The following SGCD variants were observed in gnomAD, a reference collection of about 807,000 sequenced individuals.
The protein encoded by SGCD is delta-sarcoglycan.
A neutral mutation model predicts 36.6 loss-of-function variants in SGCD; 18 were observed. That is an observed-to-expected ratio of 0.49 (90% CI 0.34 to 0.73). SGCD has a LOEUF of 0.73. Ranked by LOEUF, SGCD falls within the 30% of genes least tolerant of loss-of-function variation. The pLI, the probability that SGCD is intolerant of heterozygous loss-of-function variation, is 0.01. For missense variants in SGCD, 387 were observed against 346.7 expected, an observed-to-expected ratio of 1.12 and a Z score of -0.92; for synonymous variants, 133 against 130.6, an observed-to-expected ratio of 1.02 and a Z score of -0.12.
chr5:156,204,473 TACACAC>T lies in SGCD; in HGVS notation c.-44+80480_-44+80485del, dbSNP rs58745098. Among the ~76,000 whole-genome samples the T allele has an allele frequency of 7.6e-3, 1,121 of 147,394 alleles. 13 individuals are homozygous for T. Among genetic ancestry groups the T allele is most frequent in the African/African-American group, 0.022 (875 of 40,188 alleles). On this transcript the variant is annotated intron_variant, in intron 3 of 9. Transcript: ENST00000517913. ...TTAACTAGTTTAGCCAACACACTCA[TACACAC>T]ACACACACACACACACACACACACA...
intron 3 of SGCD, among the ~76,000 whole-genome samples, chr5:156,239,391 T>C (rs1318397221): frequency 3.6e-5 from 4 of 111,728 alleles, no homozygotes; most frequent in Non-Finnish European, 5.5e-5. Context: ...CAGAGGAAGA[T>C]TTCATCTCAA....
intron 3 of SGCD, among the ~76,000 whole-genome samples, chr5:156,152,144 C>G (rs187727322): frequency 6.6e-5 from 10 of 151,298 alleles, no homozygotes; most frequent in Admixed American, 6.6e-4. Context: ...TAAAAAAAAA[C>G]AAAACAAAAC....
chr5:156,465,843 T>C (rs1399718493), intron 3 of SGCD, among the ~76,000 whole-genome samples: 1 of 152,186 alleles, frequency 6.6e-6, no homozygotes, highest in East Asian at 1.9e-4. Flanking sequence ...CACACAGATA[T>C]TGGTTATTGT....
chr5:155,963,877 T>C (rs952012291), intron 1 of SGCD, among the ~76,000 whole-genome samples: 1 of 152,122 alleles, frequency 6.6e-6, no homozygotes, highest in Non-Finnish European at 1.5e-5. Context: ...AAAAATCACC[T>C]GAAATTGAAG....
intron 3 of SGCD, among the ~76,000 whole-genome samples, chr5:156,141,720 A>G (rs1488200057): frequency 1.3e-5 from 2 of 152,192 alleles, no homozygotes; most frequent in African/African-American, 4.8e-5. Flanking sequence ...ACATATCCAG[A>G]GCATAGTGAA....
chr5:156,608,407 G>C (rs534668349), intron 6 of SGCD, among the ~76,000 whole-genome samples: 2 of 152,218 alleles, frequency 1.3e-5, no homozygotes, highest in African/African-American at 4.8e-5. Context: ...TGGTCTGAGA[G>C]ACAGTTTGTT....
intron 7 of SGCD, among the ~76,000 whole-genome samples, chr5:156,681,806 G>A (rs1267812471): frequency 1.3e-5 from 2 of 152,130 alleles, no homozygotes; most frequent in African/African-American, 4.8e-5. Context: ...GTTTTTAAAG[G>A]TTTCATTATT....
intron 6 of SGCD, among the ~76,000 whole-genome samples, chr5:156,626,180 G>A (rs190054794): frequency 3.9e-5 from 6 of 152,294 alleles, no homozygotes; most frequent in Non-Finnish European, 1.5e-5. Flanking sequence ...GAAGCCGTGG[G>A]CTAGAGGAAA....
intron 1 of SGCD, among the ~76,000 whole-genome samples, chr5:156,015,657 A>G (rs1018991608): frequency 6.6e-6 from 1 of 151,396 alleles, no homozygotes; most frequent in African/African-American, 2.4e-5. Context: ...CCTTTTATTT[A>G]TATGCTTTTA....
intron 7 of SGCD, among the ~76,000 whole-genome samples, chr5:156,746,676 A>G (rs140613069): frequency 1.1e-4 from 17 of 152,358 alleles, no homozygotes; most frequent in South Asian, 1.0e-3. Flanking sequence ...GGATAAACCT[A>G]TTAGAAAAAA....
In SGCD at chr5:156,605,619, G is replaced by A. The variant is rs367954413; in HGVS notation, c.502+10568G>A. Among the ~76,000 whole-genome samples the A allele has an allele frequency of 5.3e-4, 80 of 152,110 alleles. 2 individuals carry two copies. Among genetic ancestry groups the A allele is most frequent in the Admixed American group, 2.6e-4 (4 of 15,262 alleles). ...TCTAATTCTAGATCCCTGAGGAATC[G>A]CCACACTGACTTCCACAATGGTTGA... On this transcript the variant is annotated intron_variant, in intron 6 of 8. Coordinates refer to ENST00000337851, the MANE Select transcript of SGCD (RefSeq NM_000337.6).
At chr5:156,185,640 A>G (rs1763724448) in intron 3 of SGCD, among the ~76,000 whole-genome samples, 1 of 151,686 alleles carries the variant, frequency 6.6e-6, no homozygotes, top group Non-Finnish European at 1.5e-5. Context: ...ATTAACTTGA[A>G]GTTAAGGATA....
At chr5:156,677,397 G>A (rs377168556) in intron 7 of SGCD, among the ~76,000 whole-genome samples, 3 of 152,068 alleles carry the variant, frequency 2.0e-5, no homozygotes, top group African/African-American at 7.2e-5. Context: ...CCATCATTCT[G>A]AGAAAACTAT....
intron 1 of SGCD, among the ~76,000 whole-genome samples, chr5:155,931,796 A>C (rs186553963): frequency 7.9e-5 from 12 of 152,310 alleles, no homozygotes; most frequent in African/African-American, 2.6e-4. Flanking sequence ...AAATCTCCTT[A>C]GTCCATTTGG....
intron 3 of SGCD, among the ~76,000 whole-genome samples, chr5:156,240,502 T>C (rs1474363456): frequency 6.6e-6 from 1 of 152,134 alleles, no homozygotes; most frequent in Non-Finnish European, 1.5e-5. Flanking sequence ...CAAGATATAG[T>C]TCAGTGTGAG....
chr5:155,760,031 A>AG, the SGCD span, among the ~76,000 whole-genome samples: 6 of 178 alleles, frequency 0.034, no homozygotes, highest in Admixed American at 0.21. Context: ...CATCATAATA[A>AG]ATTTGAGATG....
chr5:156,178,538 A>G (rs550179821), intron 3 of SGCD, among the ~76,000 whole-genome samples: 14 of 152,190 alleles, frequency 9.2e-5, no homozygotes, highest in Non-Finnish European at 1.0e-4. Flanking sequence ...TACATATTAC[A>G]CATGCTTTCA....
chr5:156,104,233 T>G (rs148334194), intron 1 of SGCD, among the ~76,000 whole-genome samples: 3 of 152,302 alleles, frequency 2.0e-5, no homozygotes, highest in African/African-American at 7.2e-5. Flanking sequence ...AATCTTCATA[T>G]AAACTCAGGG....
intron 3 of SGCD, among the ~76,000 whole-genome samples, chr5:156,305,970 CT>C (rs202032391): frequency 0.064 from 9,794 of 152,302 alleles, 439 homozygotes; most frequent in Non-Finnish European, 0.086. Flanking sequence ...TACCCAATGC[CT>C]GTACCCCCAT....
Sources: gnomAD v4.1 joint callset for allele counts (sites outside exome capture counted in the v4.1 genomes callset) on GRCh38, gnomAD v4.1.1 for gene constraint, MANE v1.5 for transcripts, NCBI Gene and HGNC (gene_info 2026-07-23, HGNC 2026-07-21) for gene names.